The following CDH12 variants were observed in gnomAD, a reference collection of about 807,000 sequenced individuals.
CDH12 encodes cadherin 12, also known as cadherin-12.
CDH12 carries 41 observed loss-of-function variants against 74.1 expected under a neutral mutation model. The ratio of observed to expected loss-of-function variants is 0.55; its 90% CI spans 0.43 to 0.72. The LOEUF (loss-of-function observed/expected upper bound fraction) is 0.72, where lower values mean the gene tolerates loss of function less well. Among genes scored for constraint, CDH12 ranks in the 30% least tolerant of loss-of-function variants. The pLI, the probability that CDH12 is intolerant of heterozygous loss-of-function variation, is 0.00. For missense variants in CDH12, 945 were observed against 977.2 expected (o/e 0.97, Z 0.44); for synonymous variants, 399 against 355.0 (o/e 1.12, Z -1.39).
chr5:22,362,338 C>T (rs1293608225), intron 3 of CDH12, among the ~76,000 whole-genome samples: 2 of 152,184 alleles, frequency 1.3e-5, no homozygotes, highest in African/African-American at 2.4e-5. Flanking sequence ...AAATGTTCAT[C>T]ATCACTGGCC....
chr5:22,756,250 T>C (rs1349055567), intron 1 of CDH12, among the ~76,000 whole-genome samples: 3 of 152,152 alleles, frequency 2.0e-5, no homozygotes, highest in Non-Finnish European at 4.4e-5. Context: ...TACAAAATAC[T>C]GATTAAAACA....
At chr5:22,249,384 A>C (rs564393315) in intron 3 of CDH12, among the ~76,000 whole-genome samples, 178 of 152,294 alleles carry the variant, frequency 1.2e-3, no homozygotes, top group Middle Eastern at 6.8e-3. Context: ...GCGGGAGGCG[A>C]TAAGGTAGTA....
chr5:22,766,499 T>C (rs1029455049), intron 1 of CDH12, among the ~76,000 whole-genome samples: 1 of 152,034 alleles, frequency 6.6e-6, no homozygotes, highest in African/African-American at 2.4e-5. Context: ...GATACACAGA[T>C]GATAACTCCC....
intron 1 of CDH12, among the ~76,000 whole-genome samples, chr5:22,593,238 CT>C (rs1736434834): frequency 1.3e-5 from 2 of 151,680 alleles, no homozygotes; most frequent in Non-Finnish European, 1.5e-5. Flanking sequence ...TTCTGTCTCT[CT>C]CTCTCTCTCA....
intron 1 of CDH12, among the ~76,000 whole-genome samples, chr5:22,724,151 T>A (rs1435808356): frequency 6.6e-6 from 1 of 151,928 alleles, no homozygotes; most frequent in African/African-American, 2.4e-5. Context: ...GAATTATCTA[T>A]CATTAACATA....
intron 11 of CDH12, among the ~76,000 whole-genome samples, chr5:21,778,573 A>C (rs2149892772): frequency 6.9e-6 from 1 of 145,550 alleles, no homozygotes; most frequent in Non-Finnish European, 1.5e-5. Context: ...CATCAGTCCT[A>C]AATTTTTGCA....
intron 1 of CDH12, among the ~76,000 whole-genome samples, chr5:22,662,640 A>C (rs1740410056): frequency 6.6e-6 from 1 of 152,230 alleles, no homozygotes; most frequent in African/African-American, 2.4e-5. Flanking sequence ...CCAGGATATA[A>C]ATAGATTACT....
chr5:22,729,829 C>T (rs1052841843), intron 1 of CDH12, among the ~76,000 whole-genome samples: 11 of 151,968 alleles, frequency 7.2e-5, no homozygotes, highest in African/African-American at 1.7e-4. Context: ...GACTTCTATA[C>T]GGCTCTCTGC....
At position 22,029,641 on chromosome 5, in the gene CDH12, T is replaced by A. The variant is rs560101550; in HGVS notation, c.231+48805A>T. ...GGTGATAGAGATGATGTGGAGAAAT[T>A]GGAACACTTTTACACTGTTGGTGGG... On this transcript the variant is annotated intron_variant, in intron 5 of 14. Coordinates refer to ENST00000382254, the MANE Select transcript of CDH12 (RefSeq NM_004061.5). Among the ~76,000 whole-genome samples, 19 of 152,234 alleles carry A rather than the reference T, an allele frequency of 1.2e-4. No individual in the cohort carries two copies. The East Asian group carries it at 1.4e-3, about 11-fold the overall frequency.
At chr5:22,418,149 A>G (rs912485421) in intron 2 of CDH12, among the ~76,000 whole-genome samples, 1 of 152,104 alleles carries the variant, frequency 6.6e-6, no homozygotes, top group African/African-American at 2.4e-5. Context: ...TTCTCCTTGA[A>G]GAGGTCCTTT....
intron 4 of CDH12, among the ~76,000 whole-genome samples, chr5:22,106,225 G>C (rs1001631295): frequency 6.6e-6 from 1 of 152,054 alleles, no homozygotes; most frequent in Non-Finnish European, 1.5e-5. Flanking sequence ...CAACAACCCG[G>C]TGACATGAGT....
At chr5:22,640,771 T>G (rs1474453006) in intron 1 of CDH12, among the ~76,000 whole-genome samples, 2 of 152,240 alleles carry the variant, frequency 1.3e-5, no homozygotes, top group Non-Finnish European at 2.9e-5. Context: ...CACTTTCCAA[T>G]GTATATCATT....
intron 1 of CDH12, among the ~76,000 whole-genome samples, chr5:22,555,367 A>T (rs535075104): frequency 1.1e-3 from 160 of 152,188 alleles, no homozygotes; most frequent in African/African-American, 3.8e-3. Context: ...CTTCATTTAT[A>T]TAATGTCTTC....
chr5:22,427,281 A>T (rs1166588559), intron 2 of CDH12, among the ~76,000 whole-genome samples: 1 of 151,860 alleles, frequency 6.6e-6, no homozygotes, highest in East Asian at 1.9e-4. Flanking sequence ...TATTCTCCTG[A>T]CTCAGCCTCT....
At chr5:22,528,778 C>T (rs946088184) in intron 1 of CDH12, among the ~76,000 whole-genome samples, 4 of 152,016 alleles carry the variant, frequency 2.6e-5, no homozygotes, top group Non-Finnish European at 5.9e-5. Context: ...TTAGGAGTGT[C>T]ACTGATGATG....
At chr5:22,333,882 C>G (rs1739452169) in intron 3 of CDH12, among the ~76,000 whole-genome samples, 1 of 152,060 alleles carries the variant, frequency 6.6e-6, no homozygotes, top group African/African-American at 2.4e-5. Flanking sequence ...GCACAAAAAC[C>G]ACATGATAAT....
At chr5:22,705,130 T>TATATATATATATACAC (rs752782183) in intron 1 of CDH12, among the ~76,000 whole-genome samples, 14 of 125,614 alleles carry the variant, frequency 1.1e-4, no homozygotes, top group Non-Finnish European at 2.0e-4. Context: ...TATATATATA[T>TATATATATATATACAC]ACACACACAC....
At chr5:22,650,889 CTG>C (rs1473882244) in intron 1 of CDH12, among the ~76,000 whole-genome samples, 2 of 151,916 alleles carry the variant, frequency 1.3e-5, no homozygotes, top group Non-Finnish European at 2.9e-5. Context: ...AATCTTTACA[CTG>C]TGTGGTGGGA....
At chr5:22,471,099 A>ATCT (rs55855951) in intron 2 of CDH12, among the ~76,000 whole-genome samples, 84,724 of 151,458 alleles carry the variant, frequency 0.56, 23,848 homozygotes, top group Admixed American at 0.69. Context: ...TTCTAGGATA[A>ATCT]TCTCTTTCTC....
Sources: allele counts gnomAD v4.1 joint callset (sites outside exome capture counted in the v4.1 genomes callset), GRCh38; gene constraint gnomAD v4.1.1; transcripts MANE v1.5; gene names NCBI Gene and HGNC (gene_info 2026-07-23, HGNC 2026-07-21).